FZD6: variants seen among roughly 807,000 people sequenced by gnomAD.
FZD6 encodes the protein frizzled class receptor 6.
FZD6 carries 49 observed loss-of-function variants against 61.4 expected under a neutral mutation model. That is an observed-to-expected ratio of 0.80 (90% CI 0.63 to 1.01). The LOEUF (loss-of-function observed/expected upper bound fraction) is 1.01, where lower values mean the gene tolerates loss of function less well. FZD6 is among the 50% of genes least tolerant of loss of function. FZD6 has a pLI of 0.00. For missense variants in FZD6, 724 were observed against 848.2 expected, an observed-to-expected ratio of 0.85 and a Z score of 1.82; for synonymous variants, 265 against 292.2, an observed-to-expected ratio of 0.91 and a Z score of 0.95.
At chr8:103,325,978 A>G (rs1179899307) in intron 4 of FZD6, among the ~76,000 whole-genome samples, 2 of 152,238 alleles carry the variant, frequency 1.3e-5, no homozygotes, top group African/African-American at 2.4e-5. Context: ...TCTCAATTGA[A>G]AAAAACACAG....
intron 2 of FZD6, among the ~76,000 whole-genome samples, chr8:103,302,962 A>G (rs907270880): frequency 6.6e-5 from 10 of 152,242 alleles, no homozygotes; most frequent in African/African-American, 2.2e-4. Context: ...CAACTCAACA[A>G]AACAAAATGA....
intron 6 of FZD6, among the ~76,000 whole-genome samples, chr8:103,331,078 G>A (rs1381788169): frequency 6.6e-6 from 1 of 152,146 alleles, no homozygotes; most frequent in African/African-American, 2.4e-5. Context: ...TCGGGAGGCT[G>A]AGGCAGGAGA....
At position 103,325,062 on chromosome 8, in the gene FZD6, C is replaced by T; in HGVS notation, c.956C>T (p.Ala319Val). 1.2e-6 allele frequency: 2 copies of T among 1,614,112 alleles called. No individual in the cohort carries two copies. Among genetic ancestry groups the T allele is most frequent in the African/African-American group, 1.3e-5 (1 of 75,044 alleles). ...GCAGGAAGAAAATGGAGTTGTGAAG[C>T]CATCGAGCAAAAAGCAGTGTGGTTT... ...LAAGRKWSCEAIEQKAVWFHA... is the reference protein window; with the variant it reads ...LAAGRKWSCEVIEQKAVWFHA... The change falls in exon 4 of 7, where the codon GCC becomes GTC. Residue 319 changes from alanine to valine, a missense_variant. Ala to Val is a moderately conservative substitution (Grantham distance 64). Coordinates refer to ENST00000358755, the MANE Select transcript of FZD6 (RefSeq NM_003506.4).
At chr8:103,308,448 A>T (rs1416670780) in intron 2 of FZD6, among the ~76,000 whole-genome samples, 1 of 152,094 alleles carries the variant, frequency 6.6e-6, no homozygotes, top group Non-Finnish European at 1.5e-5. Flanking sequence ...ACCTGAGACC[A>T]TCTTTCTACT....
chr8:103,323,323 G>A (rs1179911318), intron 3 of FZD6, among the ~76,000 whole-genome samples: 1 of 102,284 alleles, frequency 9.8e-6, no homozygotes, highest in African/African-American at 4.0e-5. Flanking sequence ...ATAATATTAT[G>A]TTTTAATAAA....
In FZD6 at chr8:103,300,243, A is replaced by C; in HGVS notation, c.136A>C (p.Met46Leu). The C allele has an allele frequency of 6.2e-7, 1 of 1,612,236 alleles. No individual in the cohort carries two copies. The highest frequency in any genetic ancestry group is 8.5e-7 in the Non-Finnish European group (1 of 1,178,278). Residue 46 changes from methionine to leucine, a missense_variant, in exon 2 of 7, where the codon ATG (methionine) becomes CTG (leucine). Transcript: ENST00000358755. ...AYNMTFFPNL[M>L]GHYDQSIAAV... ...CAACATGACGTTTTTCCCTAATCTGATGGGTCATTATGACCAGAGTATTGC... is the reference window on the plus strand; with the variant it reads ...CAACATGACGTTTTTCCCTAATCTGCTGGGTCATTATGACCAGAGTATTGC...
In FZD6 at chr8:103,324,694, GTT is replaced by G; in HGVS notation, c.590_591del (p.Phe197CysfsTer26). 6.2e-7 allele frequency: 1 copy of G among 1,614,052 alleles called. No individual in the cohort carries two copies. ...NMYFKSDELEFAKSFIGTVSI... is the reference protein window; with the variant it reads ...NMYFKSDELEXAKSFIGTVSI... ...TGTATTTTAAAAGTGATGAGCTAGA[GTT>G]TGCAAAAAGTTTTATTGGAACAGTT... is the stretch of plus-strand genomic sequence containing the variant. On this transcript the variant is annotated frameshift_variant, in exon 4 of 7. Coordinates refer to ENST00000358755, the MANE Select transcript of FZD6 (RefSeq NM_003506.4). LOFTEE classifies it high-confidence loss of function.
chr8:103,299,204 G>C (rs550032401), intron 1 of FZD6, among the ~76,000 whole-genome samples: 35 of 152,328 alleles, frequency 2.3e-4, no homozygotes, highest in African/African-American at 7.9e-4. Context: ...GCGGCGCCGC[G>C]CAGGCCAGGA....
Position 103,325,259 on chromosome 8 carries a change from C to A in FZD6, c.1153C>A (p.Leu385Ile), listed in dbSNP as rs558172378. Residue 385 changes from leucine to isoleucine, a missense_variant, in exon 4 of 7, where the codon CTT becomes ATT. By Grantham distance (5) the Leu-to-Ile change is conservative. Transcript: ENST00000358755. ...LCLCVFVGLS[L>I]LLAGIISLNH... ...CCTTTGTGTGTTTGTTGGGCTCTCT[C>A]TTCTTTTAGCTGGCATTATTTCCTT... 2.6e-5 allele frequency: 42 copies of A among 1,614,176 alleles called. No individual in the cohort carries two copies. In the South Asian group the frequency reaches 4.6e-4, roughly 18 times the overall value.
At chr8:103,298,773 CCCGCCGCCGCCG>C (rs539743508), upstream of FZD6, 34,857 of 157,924 alleles carry the variant, frequency 0.22, 4,078 homozygotes, top group Middle Eastern at 0.35. Context: ...CAGGGCCAGT[CCCGCCGCCGCCG>C]CCGCCGCCGC....
Position 103,318,793 on chromosome 8 carries a change from A to C in FZD6, c.374+7A>C, listed in dbSNP as rs773510603. On this transcript the variant is annotated splice_region_variant and intron_variant, in intron 3 of 6. Transcript: ENST00000358755. Reference sequence around the variant, plus strand: ...AGGAGCTTGAATGTGACAGGTAAACAATGTTTTTCATGGAAAGCTACTAAT... The same window carrying C: ...AGGAGCTTGAATGTGACAGGTAAACCATGTTTTTCATGGAAAGCTACTAAT... 6.5e-7 allele frequency: 1 copy of C among 1,538,972 alleles called. No homozygotes were observed. The highest frequency in any genetic ancestry group is 9.0e-7 in the Non-Finnish European group (1 of 1,111,660).
Position 103,325,439 on chromosome 8 carries a change from T to C in FZD6, c.1333T>C (p.Trp445Arg). ...YVYEQVNRIT[W>R]EITWVSDHCR... ...CTATGAGCAAGTGAACAGGATTACC[T>C]GGGAGATAACTTGGGTCTCTGATCA... The change falls in exon 4 of 7, where the codon TGG becomes CGG. Residue 445 changes from tryptophan to arginine, a missense_variant. By Grantham distance (101) the Trp-to-Arg change is moderately radical. Transcript: ENST00000358755. 6.2e-7 allele frequency: 1 copy of C among 1,613,796 alleles called. No homozygotes were observed. The highest frequency in any genetic ancestry group is 8.5e-7 in the Non-Finnish European group (1 of 1,179,678).
At chr8:103,327,833 GT>G (rs1814997625) in intron 4 of FZD6, among the ~76,000 whole-genome samples, 1 of 151,888 alleles carries the variant, frequency 6.6e-6, no homozygotes. Context: ...CTTTAACCAA[GT>G]TTTTATAATA....
At chr8:103,311,592 C>G (rs567851714) in intron 2 of FZD6, among the ~76,000 whole-genome samples, 3 of 150,854 alleles carry the variant, frequency 2.0e-5, no homozygotes, top group African/African-American at 7.3e-5. Context: ...AGGCCTGAGG[C>G]TCACTTGAGC....
intron 2 of FZD6, chr8:103,307,969 A>G (rs1381517189): frequency 2.2e-6 from 1 of 455,778 alleles, no homozygotes; most frequent in African/African-American, 2.0e-5. Flanking sequence ...TTAACCTGAC[A>G]CTAGATAGTT....
intron 6 of FZD6, among the ~76,000 whole-genome samples, chr8:103,330,675 C>T (rs1328878005): frequency 2.0e-5 from 3 of 152,112 alleles, no homozygotes; most frequent in Non-Finnish European, 2.9e-5. Context: ...AGATTTGTAA[C>T]CTTCTCAATG....
chr8:103,330,009 G>A lies in FZD6; in HGVS notation c.1896G>A (p.Gln632=). 6 of 1,614,144 alleles carry A rather than the reference G, an allele frequency of 3.7e-6. No homozygotes were observed. Among genetic ancestry groups the A allele is most frequent in the Non-Finnish European group, 5.1e-6 (6 of 1,179,992 alleles). Residue 632 remains glutamine, a synonymous_variant, in exon 6 of 7, where the codon CAG becomes CAA. Coordinates refer to ENST00000358755, the MANE Select transcript of FZD6 (RefSeq NM_003506.4). ...CCATCTCCAGACTCTCTGGGGAACA[G>A]GTCGACGGGAAGGGCCAGGCAGGCA... ...AASISRLSGE[Q]VDGKGQAGSV...
At chr8:103,313,318 C>T (rs528773378) in intron 2 of FZD6, among the ~76,000 whole-genome samples, 20 of 152,284 alleles carry the variant, frequency 1.3e-4, no homozygotes, top group African/African-American at 4.6e-4. Context: ...AATAAAGATA[C>T]CTAACTTCTA....
At chr8:103,307,417 T>C (rs1352559851) in intron 2 of FZD6, among the ~76,000 whole-genome samples, 1 of 152,212 alleles carries the variant, frequency 6.6e-6, no homozygotes, top group Non-Finnish European at 1.5e-5. Flanking sequence ...TTTGAAGCAC[T>C]GTTCAGATAC....
Sources: gnomAD v4.1 joint callset for allele counts (sites outside exome capture counted in the v4.1 genomes callset) on GRCh38, gnomAD v4.1.1 for gene constraint, MANE v1.5 for transcripts, NCBI Gene and HGNC (gene_info 2026-07-23, HGNC 2026-07-21) for gene names.